LGR6: variants seen among roughly 807,000 people sequenced by gnomAD.
LGR6 encodes leucine-rich repeat-containing G protein-coupled receptor 6.
Under a neutral mutation model 69.4 loss-of-function variants are expected in LGR6, and 45 were observed. That is an observed-to-expected ratio of 0.65 (90% CI 0.51 to 0.83). LGR6 has a LOEUF of 0.83. Ranked by LOEUF, LGR6 falls within the 40% of genes least tolerant of loss-of-function variation. The probability of loss-of-function intolerance (pLI) is 0.00; values close to 1 mark genes in which losing one functional copy is unlikely to be tolerated. For missense variants in LGR6, 1,108 were observed against 1,246.7 expected (o/e 0.89, Z 1.68); for synonymous variants, 538 against 555.0 (o/e 0.97, Z 0.43).
chr1:202,216,224 TG>T (rs1488025315), intron 1 of LGR6, among the ~76,000 whole-genome samples: 1 of 152,238 alleles, frequency 6.6e-6, no homozygotes, highest in Non-Finnish European at 1.5e-5. Context: ...ATGGTTGAGT[TG>T]GGTGGTGATG....
intron 10 of LGR6, 105 bp downstream of exon 10, chr1:202,303,452 T>C: frequency 1.1e-6 from 1 of 876,182 alleles, no homozygotes; most frequent in Non-Finnish European, 1.9e-6. Flanking sequence ...TTGCTTCCCT[T>C]TTATCCAGCC....
intron 6 of LGR6, among the ~76,000 whole-genome samples, chr1:202,290,477 G>A (rs1162587018): frequency 6.6e-6 from 1 of 152,164 alleles, no homozygotes; most frequent in Non-Finnish European, 1.5e-5. Flanking sequence ...GTAGAATATA[G>A]GAAAGTGTTT....
chr1:202,236,606 G>A (rs907941672), intron 4 of LGR6, among the ~76,000 whole-genome samples: 3 of 152,216 alleles, frequency 2.0e-5, no homozygotes, highest in Non-Finnish European at 4.4e-5. Flanking sequence ...ATGTAACCCA[G>A]CCCAGTGGGA....
intron 1 of LGR6, among the ~76,000 whole-genome samples, chr1:202,215,930 A>C (rs570213541): frequency 6.6e-4 from 101 of 152,310 alleles, no homozygotes; most frequent in Non-Finnish European, 1.3e-3. Context: ...CAAAAGGCCA[A>C]AGGGATTAGT....
At chr1:202,274,182 T>C (rs181113183) in intron 4 of LGR6, among the ~76,000 whole-genome samples, 89 of 152,314 alleles carry the variant, frequency 5.8e-4, no homozygotes, top group African/African-American at 2.1e-3. Context: ...TCTAGCTTAC[T>C]GGTGTGCTTG....
chr1:202,319,037 C>A lies in LGR6; in HGVS notation c.2734C>A (p.Leu912Met), dbSNP rs1386924676. The A allele has an allele frequency of 3.7e-6, 6 of 1,614,154 alleles. No individual in the cohort carries two copies. The South Asian group carries it at 6.6e-5, about 18-fold the overall frequency. Reference sequence around the variant, plus strand: ...CTGTCAGCAGCCAGGGGCCCCCAGGCTGGAGGGCAGCCATTGTGTAGAGCC... The same window carrying A: ...CTGTCAGCAGCCAGGGGCCCCCAGGATGGAGGGCAGCCATTGTGTAGAGCC... The part of the protein sequence containing the change: ...ISCQQPGAPR[L>M]EGSHCVEPEG... Residue 912 changes from leucine to methionine, a missense_variant, in exon 18 of 18, where the codon CTG becomes ATG. Physicochemically the swap from Leu to Met is conservative, Grantham distance 15. Coordinates refer to ENST00000367278, the MANE Select transcript of LGR6 (RefSeq NM_001017403.2).
chr1:202,271,185 C>T (rs1665066708), intron 4 of LGR6, among the ~76,000 whole-genome samples: 1 of 152,186 alleles, frequency 6.6e-6, no homozygotes, highest in Non-Finnish European at 1.5e-5. Flanking sequence ...CTCTCCCACC[C>T]TCTACGGGGA....
chr1:202,292,517 C>T (rs188629558), intron 6 of LGR6, among the ~76,000 whole-genome samples: 1,723 of 152,318 alleles, frequency 0.011, 10 homozygotes, highest in Middle Eastern at 0.037. Flanking sequence ...AGCTTGCCAC[C>T]TCCAGGGCCT....
At chr1:202,263,018 T>C (rs1664359924) in intron 4 of LGR6, among the ~76,000 whole-genome samples, 1 of 152,128 alleles carries the variant, frequency 6.6e-6, no homozygotes, top group Non-Finnish European at 1.5e-5. Flanking sequence ...TTTCTTTTCA[T>C]GGATTTTTGT....
At chr1:202,302,295 T>C (rs1667659334) in intron 9 of LGR6, among the ~76,000 whole-genome samples, 1 of 152,224 alleles carries the variant, frequency 6.6e-6, no homozygotes, top group Non-Finnish European at 1.5e-5. Context: ...GTAGGTGTTA[T>C]TGGTCCGATT....
At chr1:202,296,216 A>G (rs1469198240) in intron 6 of LGR6, among the ~76,000 whole-genome samples, 2 of 151,984 alleles carry the variant, frequency 1.3e-5, no homozygotes, top group African/African-American at 4.8e-5. Context: ...GAGGCTAGGG[A>G]GGGATGCTGT....
At chr1:202,262,597 GT>G (rs777780202) in intron 4 of LGR6, among the ~76,000 whole-genome samples, 14 of 152,098 alleles carry the variant, frequency 9.2e-5, no homozygotes, top group East Asian at 1.9e-4. Context: ...CGTATGTAAT[GT>G]TTTCTTTCAG....
At chr1:202,261,683 A>C (rs1664247792) in intron 4 of LGR6, among the ~76,000 whole-genome samples, 1 of 152,228 alleles carries the variant, frequency 6.6e-6, no homozygotes, top group Non-Finnish European at 1.5e-5. Context: ...TGGTTGAACT[A>C]GTTTACAGTC....
At chr1:202,241,480 T>G (rs1026574852) in intron 4 of LGR6, among the ~76,000 whole-genome samples, 4 of 152,200 alleles carry the variant, frequency 2.6e-5, no homozygotes, top group Non-Finnish European at 5.9e-5. Context: ...ACTGTTTGGC[T>G]TGGCACCTGG....
intron 6 of LGR6, among the ~76,000 whole-genome samples, chr1:202,292,141 A>G (rs568723765): frequency 6.6e-6 from 1 of 152,368 alleles, no homozygotes; most frequent in East Asian, 1.9e-4. Flanking sequence ...CTGAGGGATT[A>G]GTTAAGGGCA....
intron 10 of LGR6, among the ~76,000 whole-genome samples, chr1:202,303,631 C>CT (rs1254173593): frequency 1.3e-5 from 2 of 152,226 alleles, no homozygotes; most frequent in Non-Finnish European, 2.9e-5. Context: ...CACAGGTACA[C>CT]TGAGGGTTGA....
chr1:202,214,007 A>T (rs1659581491), intron 1 of LGR6: 2 of 1,313,896 alleles, frequency 1.5e-6, no homozygotes, highest in Non-Finnish European at 1.9e-6. Context: ...TGAACCAAAT[A>T]GTTCGGGAGT....
At chr1:202,311,931 C>A (rs1378838595) in intron 16 of LGR6, among the ~76,000 whole-genome samples, 1 of 152,142 alleles carries the variant, frequency 6.6e-6, no homozygotes, top group Non-Finnish European at 1.5e-5. Context: ...GTATGAGGAC[C>A]CGATGAGGAG....
At chr1:202,216,961 C>T (rs1478997998) in intron 1 of LGR6, among the ~76,000 whole-genome samples, 1 of 152,208 alleles carries the variant, frequency 6.6e-6, no homozygotes, top group Non-Finnish European at 1.5e-5. Context: ...CAGGAGTGAC[C>T]TTTTGCACCT....
Sources: allele counts gnomAD v4.1 joint callset (sites outside exome capture counted in the v4.1 genomes callset), GRCh38; gene constraint gnomAD v4.1.1; transcripts MANE v1.5; gene names NCBI Gene and HGNC (gene_info 2026-07-23, HGNC 2026-07-21).